The following SPART variants were observed in gnomAD, a reference collection of about 807,000 sequenced individuals.
SPART encodes the protein spastic paraplegia 20 (Troyer syndrome).
Under a neutral mutation model 58.7 loss-of-function variants are expected in SPART, and 35 were observed. That is an observed-to-expected ratio of 0.60 (90% CI 0.46 to 0.79). SPART has a LOEUF of 0.79. Ranked by LOEUF, SPART falls within the 30% of genes least tolerant of loss-of-function variation. The pLI is 0.00. For synonymous variants in SPART, 284 were observed against 280.7 expected, an observed-to-expected ratio of 1.01 and a Z score of -0.12; for missense variants, 730 against 786.1, an observed-to-expected ratio of 0.93 and a Z score of 0.85.
At chr13:36,338,243 T>C (rs1040967841) in intron 1 of SPART, among the ~76,000 whole-genome samples, 1 of 152,152 alleles carries the variant, frequency 6.6e-6, no homozygotes, top group African/African-American at 2.4e-5. Context: ...GCATTTTATG[T>C]GATTCCTCAA....
chr13:36,337,474 G>C (rs1008337299), intron 1 of SPART, among the ~76,000 whole-genome samples: 4 of 152,188 alleles, frequency 2.6e-5, no homozygotes, highest in Admixed American at 2.6e-4. Context: ...TCCTGATAGT[G>C]AGTTCTCACA....
At chr13:36,355,872 C>T (rs373290875) in intron 1 of SPART, among the ~76,000 whole-genome samples, 3 of 151,980 alleles carry the variant, frequency 2.0e-5, no homozygotes, top group South Asian at 2.1e-4. Flanking sequence ...TTTGCACTAA[C>T]GTAATAGCTC....
intron 4 of SPART, among the ~76,000 whole-genome samples, chr13:36,327,351 CA>C (rs1479183406): frequency 6.6e-6 from 1 of 152,086 alleles, no homozygotes; most frequent in Non-Finnish European, 1.5e-5. Flanking sequence ...ACTTGAAAAT[CA>C]AAGTGGCCAG....
Position 36,312,457 on chromosome 13 carries a change from CT to C in SPART, c.1503del (p.Ala502GlnfsTer8). ...SQFLVDGVCT[V>X]ANCVGKELAP... is the part of the protein sequence containing the mutation. The stretch of plus-strand genomic sequence containing the variant: ...GCTAGTTCTTTTCCAACGCAATTTG[CT>C]ACAGTGCAAACTCCATCAACTAATA... On this transcript the variant is annotated frameshift_variant, in exon 7 of 9. Transcript: ENST00000438666. LOFTEE classifies it high-confidence loss of function. The C allele has an allele frequency of 6.2e-7, 1 of 1,614,018 alleles. No homozygotes were observed. Among genetic ancestry groups the C allele is most frequent in the Non-Finnish European group, 8.5e-7 (1 of 1,180,006 alleles).
chr13:36,320,547 C>A (rs1326690439), intron 5 of SPART, among the ~76,000 whole-genome samples: 1 of 152,156 alleles, frequency 6.6e-6, no homozygotes. Flanking sequence ...GAAATCTATC[C>A]TCAAGGAAAT....
At chr13:36,344,210 A>G (rs1330782621) in intron 1 of SPART, among the ~76,000 whole-genome samples, 3 of 152,214 alleles carry the variant, frequency 2.0e-5, no homozygotes, top group African/African-American at 7.2e-5. Flanking sequence ...AATCTTCAAT[A>G]GGTAGCATTT....
chr13:36,308,096 A>G (rs1378197815), intron 8 of SPART, among the ~76,000 whole-genome samples: 1 of 152,172 alleles, frequency 6.6e-6, no homozygotes, highest in Admixed American at 6.5e-5. Flanking sequence ...ACTTAAATAC[A>G]GAAGAGTGTA....
rs747938403 is a variant in SPART, at chr13:36,335,647, T to C, written c.184A>G (p.Lys62Glu). 30 of 1,614,030 alleles carry C rather than the reference T, an allele frequency of 1.9e-5. No homozygotes were observed. The highest frequency in any genetic ancestry group is 3.3e-5 in the South Asian group (3 of 91,062). The change falls in exon 2 of 9, where the codon AAA becomes GAA. Residue 62 changes from lysine (K) to glutamate (E), a missense_variant. Physicochemically the swap from Lys to Glu is moderately conservative, Grantham distance 56. Coordinates refer to ENST00000438666, the MANE Select transcript of SPART (RefSeq NM_015087.5). Reference sequence around the variant, plus strand: ...CCAGGACCTGTGTGTTCAGACTCTTTTGATGAAATGCTGATCCCTCTGAGC... The same window carrying C: ...CCAGGACCTGTGTGTTCAGACTCTTCTGATGAAATGCTGATCCCTCTGAGC... ...HLLRGISISS[K>E]ESEHTGPGWE... is the part of the protein sequence containing the mutation.
chr13:36,341,721 C>T (rs1884607169), intron 1 of SPART, among the ~76,000 whole-genome samples: 1 of 152,210 alleles, frequency 6.6e-6, no homozygotes, highest in African/African-American at 2.4e-5. Flanking sequence ...TATAACTATA[C>T]TTTCTAACCT....
intron 1 of SPART, among the ~76,000 whole-genome samples, chr13:36,345,848 C>T (rs145891909): frequency 6.6e-6 from 1 of 152,252 alleles, no homozygotes; most frequent in Non-Finnish European, 1.5e-5. Flanking sequence ...CCACAGAGAT[C>T]TGCGAAGCCA....
chr13:36,329,251 AT>A, intron 4 of SPART, 110 bp downstream of exon 4: 1 of 1,179,148 alleles, frequency 8.5e-7, no homozygotes, highest in Non-Finnish European at 1.3e-6. Flanking sequence ...TTGTTGACTA[AT>A]GCACAAGTTG....
chr13:36,369,364 C>T (rs1203418146), intron 1 of SPART: 3 of 152,162 alleles, frequency 2.0e-5, no homozygotes, highest in Non-Finnish European at 2.9e-5. Flanking sequence ...TACTAGCAGA[C>T]ATCTAAGGTC....
intron 1 of SPART, among the ~76,000 whole-genome samples, chr13:36,353,784 C>CA (rs1885514042): frequency 6.6e-6 from 1 of 152,150 alleles, no homozygotes; most frequent in Non-Finnish European, 1.5e-5. Flanking sequence ...CGACAACATT[C>CA]AAATACTCTG....
intron 8 of SPART, 57 bp downstream of exon 8, chr13:36,312,088 A>G: frequency 6.5e-7 from 1 of 1,545,852 alleles, no homozygotes; most frequent in South Asian, 1.1e-5. Context: ...TCCCTCTCAG[A>G]AAAACAACAA....
chr13:36,341,022 G>T lies in SPART; in HGVS notation c.-2-5190C>A, dbSNP rs7997604. ...AAAAGTTTATGTGCATGCGACAAAG[G>T]ATGAAAGAGATAAAACTTCATCTTT... On this transcript the variant is annotated intron_variant, in intron 1 of 8. Coordinates refer to ENST00000438666, the MANE Select transcript of SPART (RefSeq NM_015087.5). Among the ~76,000 whole-genome samples the T allele has an allele frequency of 2.7e-3, 408 of 152,284 alleles. 3 individuals carry two copies. The highest frequency in any genetic ancestry group is 9.3e-3 in the African/African-American group (386 of 41,556).
At chr13:36,341,551 C>G (rs1459842779) in intron 1 of SPART, among the ~76,000 whole-genome samples, 1 of 152,136 alleles carries the variant, frequency 6.6e-6, no homozygotes, top group African/African-American at 2.4e-5. Context: ...CTAGTGGCTA[C>G]TGTCATTAGA....
At chr13:36,338,187 T>C (rs559841753) in intron 1 of SPART, among the ~76,000 whole-genome samples, 11 of 152,316 alleles carry the variant, frequency 7.2e-5, no homozygotes, top group Admixed American at 6.5e-4. Flanking sequence ...ACTGTATATA[T>C]ACATAAAAAT....
chr13:36,315,250 G>A (rs1006155965), intron 5 of SPART, among the ~76,000 whole-genome samples: 6 of 152,206 alleles, frequency 3.9e-5, no homozygotes, highest in African/African-American at 9.6e-5. Context: ...GGAAATGTGG[G>A]GAAAGGAGTG....
At chr13:36,358,612 G>C (rs1479007467) in intron 1 of SPART, among the ~76,000 whole-genome samples, 1 of 152,096 alleles carries the variant, frequency 6.6e-6, no homozygotes, top group Non-Finnish European at 1.5e-5. Context: ...TATTTCCTTA[G>C]TTTAATTTAT....
Sources: allele counts gnomAD v4.1 joint callset (sites outside exome capture counted in the v4.1 genomes callset), GRCh38; gene constraint gnomAD v4.1.1; transcripts MANE v1.5; gene names NCBI Gene and HGNC (gene_info 2026-07-23, HGNC 2026-07-21).